DPP9: variants seen among roughly 807,000 people sequenced by gnomAD.
The protein encoded by DPP9 is dipeptidyl peptidase IV-related protein-2.
In DPP9, 50 loss-of-function variants were observed where a neutral mutation model predicts 110.7. The observed-to-expected ratio is 0.45, with a 90% confidence interval of 0.36 to 0.57. DPP9 has a LOEUF of 0.57. Ranked by LOEUF, DPP9 falls within the 20% of genes least tolerant of loss-of-function variation. The probability of loss-of-function intolerance (pLI) is 0.00; values close to 1 mark genes in which losing one functional copy is unlikely to be tolerated. For missense variants in DPP9, 1,022 were observed against 1,217.9 expected, an observed-to-expected ratio of 0.84 and a Z score of 2.39; for synonymous variants, 561 against 514.4, an observed-to-expected ratio of 1.09 and a Z score of -1.23.
rs369918302 is a variant in DPP9 at position 4,688,835 on chromosome 19, C to T, written c.1807G>A (p.Val603Ile). Residue 603 changes from valine to isoleucine, a missense_variant, in exon 16 of 22, where the codon GTC (valine) becomes ATC (isoleucine). This residue lies in a region of DPP9 where 810 missense variants were observed against 920.6 expected (regional missense o/e 0.88). Coordinates refer to ENST00000262960, the MANE Select transcript of DPP9 (RefSeq NM_139159.5). ...TCGTCGGGGCCGCTCAGCTTGTAGA[C>T]GTGCACGCAGGGCGGCGTGCTCACG... The part of the protein sequence containing the change: ...SSVSTPPCVH[V>I]YKLSGPDDDP... 19 of 1,509,912 alleles carry T rather than the reference C, an allele frequency of 1.3e-5. No individual in the cohort carries two copies. In the Middle Eastern group the frequency reaches 1.9e-3, roughly 151 times the overall value. The allele number at this position is 1,509,912 out of a possible 1,614,324, so 93.5% of individuals were successfully genotyped here.
At position 4,688,760 on chromosome 19, in the gene DPP9, C is replaced by T. The variant is rs2091034221; in HGVS notation, c.1882G>A (p.Ala628Thr). ...GGGCGGGGCAGGGGCTACTCACTGG[C>T]TGCCTCCATCATGCTAGCCCAGAAG... ...PRFWASMMEA[A>T]SCPPDYVPPE... The change falls in exon 16 of 22, where the codon GCC (alanine) becomes ACC (threonine). Residue 628 changes from alanine (A) to threonine (T), a missense_variant. By Grantham distance (58) the Ala-to-Thr change is moderately conservative. Coordinates refer to ENST00000262960, the MANE Select transcript of DPP9 (RefSeq NM_139159.5). 6.9e-7 allele frequency: 1 copy of T among 1,443,404 alleles called. No homozygotes were observed. Among genetic ancestry groups the T allele is most frequent in the Admixed American group, 3.1e-5 (1 of 32,738 alleles). The allele number at this position is 1,443,404 out of a possible 1,614,324, so 89.4% of individuals were successfully genotyped here.
Position 4,676,774 on chromosome 19 carries a change from G to T in DPP9, c.2587-118C>A. 2.5e-6 allele frequency: 2 copies of T among 801,274 alleles called. No individual in the cohort carries two copies. Among genetic ancestry groups the T allele is most frequent in the African/African-American group, 1.7e-5 (1 of 58,860 alleles). The allele number at this position is 801,274 out of a possible 1,614,324, so 49.6% of individuals were successfully genotyped here. On this transcript the variant is annotated intron_variant, in intron 21 of 21. Coordinates refer to ENST00000262960, the MANE Select transcript of DPP9 (RefSeq NM_139159.5). This position sits in a 1 kb window ranked among gnomAD's most constrained non-coding sequence, Gnocchi z 4.0. Reference sequence around the variant, plus strand: ...AGGCGCAGGTGCTCTGAGGCCCAGTGATCTGGGTTTGAATCCCACCTCGGC... The same window carrying T: ...AGGCGCAGGTGCTCTGAGGCCCAGTTATCTGGGTTTGAATCCCACCTCGGC...
At chr19:4,686,013 A>T in intron 16 of DPP9, 1 of 451,978 alleles carries the variant, frequency 2.2e-6, no homozygotes, top group Non-Finnish European at 4.0e-6. Context: ...CCTGGCCTCA[A>T]GCGATCCTCC....
At chr19:4,722,739 CG>C (rs2093376418) in intron 1 of DPP9, 188 bp from the exon 2 acceptor site, 3 of 579,896 alleles carry the variant, frequency 5.2e-6, no homozygotes, top group Non-Finnish European at 9.2e-6. Context: ...AGCCATCCCA[CG>C]GGCCCCGATT....
rs1452468324 is a variant in DPP9, at chr19:4,698,232, C to T, written c.1075-581G>A. On this transcript the variant is annotated intron_variant, in intron 10 of 21. Coordinates refer to ENST00000262960, the MANE Select transcript of DPP9 (RefSeq NM_139159.5). This position sits in a 1 kb window ranked among gnomAD's most constrained non-coding sequence, Gnocchi z 4.2. ...TCCCCATGCTTAAACAGGGCTGGCA[C>T]GGCGTTTCCAGGGTATTGAGAGATA... 2.0e-5 allele frequency among the ~76,000 whole-genome samples: 3 copies of T among 152,190 alleles called. No individual in the cohort carries two copies. The highest frequency in any genetic ancestry group is 1.9e-4 in the East Asian group (1 of 5,186).
At chr19:4,713,078 G>A (rs1568331073) in intron 4 of DPP9, among the ~76,000 whole-genome samples, 1 of 152,224 alleles carries the variant, frequency 6.6e-6, no homozygotes. Flanking sequence ...GTCACCACTG[G>A]GATGTGGCTG....
Position 4,698,138 on chromosome 19 carries a change from AG to A in DPP9, c.1075-488del, listed in dbSNP as rs1427970537. Among the ~76,000 whole-genome samples the A allele has an allele frequency of 1.3e-5, 2 of 152,234 alleles. No individual in the cohort carries two copies. The highest frequency in any genetic ancestry group is 2.9e-5 in the Non-Finnish European group (2 of 68,034). ...CACCCCAGCAGGTGCCTGGACCCAAAGGCTCTGGTCTGGGCTGTCCCTTAGA... is the reference window on the plus strand; with the variant it reads ...CACCCCAGCAGGTGCCTGGACCCAAAGCTCTGGTCTGGGCTGTCCCTTAGA... On this transcript the variant is annotated intron_variant, in intron 10 of 21. Coordinates refer to ENST00000262960, the MANE Select transcript of DPP9 (RefSeq NM_139159.5). This position sits in a 1 kb window ranked among gnomAD's most constrained non-coding sequence, Gnocchi z 4.2.
Position 4,714,295 on chromosome 19 carries a change from G to A in DPP9, c.99C>T (p.Thr33=), listed in dbSNP as rs372324420. The change falls in exon 4 of 22, where the codon ACC becomes ACT. Residue 33 remains threonine (T), a synonymous_variant. Transcript: ENST00000262960. ...NSEGAERMAT[T]GTPTADRGDA... is the part of the protein sequence containing the mutation. ...CGCCTCGGTCGGCCGTTGGGGTCCC[G>A]GTGGTGGCCATCCTCTCAGCCCCCT... 5.7e-5 allele frequency: 88 copies of A among 1,541,146 alleles called. 1 individual carries two copies. The highest frequency in any genetic ancestry group is 1.8e-4 in the South Asian group (15 of 84,934).
At position 4,694,631 on chromosome 19, in the gene DPP9, A is replaced by G; in HGVS notation, c.1516+30T>C. 1 of 1,600,480 alleles carries G rather than the reference A, an allele frequency of 6.2e-7. No individual in the cohort carries two copies. The highest frequency in any genetic ancestry group is 8.5e-7 in the Non-Finnish European group (1 of 1,172,902). ...TGAACCACACGTGACTAACGCGATGAGTCGACAGCATTCGTCAGGCTCTGC... is the reference window on the plus strand; with the variant it reads ...TGAACCACACGTGACTAACGCGATGGGTCGACAGCATTCGTCAGGCTCTGC... On this transcript the variant is annotated intron_variant, in intron 13 of 21. Coordinates refer to ENST00000262960, the MANE Select transcript of DPP9 (RefSeq NM_139159.5). This position sits in a 1 kb window ranked among gnomAD's most constrained non-coding sequence, Gnocchi z 4.0.
rs895083876 is a variant in DPP9 at position 4,684,116 on chromosome 19, A to G, written c.2179-487T>C. ...ACTGCGGCCTTCAAGCGACTGATCCATGGGGCCCACTCATGTGAATGGGAT... is the reference window on the plus strand; with the variant it reads ...ACTGCGGCCTTCAAGCGACTGATCCGTGGGGCCCACTCATGTGAATGGGAT... On this transcript the variant is annotated intron_variant, in intron 18 of 21. Coordinates refer to ENST00000262960, the MANE Select transcript of DPP9 (RefSeq NM_139159.5). The surrounding 1 kb of genome is among the most constrained non-coding windows in gnomAD (Gnocchi z 4.8). 1.6e-5 allele frequency: 5 copies of G among 310,986 alleles called. No individual in the cohort carries two copies. The highest frequency in any genetic ancestry group is 6.5e-5 in the African/African-American group (3 of 46,384). The allele number at this position is 310,986 out of a possible 1,614,324, so 19.3% of individuals were successfully genotyped here.
chr19:4,683,270 TC>T, intron 19 of DPP9: 1 of 1,435,960 alleles, frequency 7.0e-7, no homozygotes, highest in Non-Finnish European at 9.1e-7. Context: ...CCGGATGCCA[TC>T]CTGCGGTCGG....
Position 4,684,734 on chromosome 19 carries a change from C to T in DPP9, c.2107G>A (p.Val703Met), listed in dbSNP as rs1454388053. Residue 703 changes from valine (V) to methionine (M), a missense_variant, in exon 18 of 22, where the codon GTG (valine) becomes ATG (methionine). Val to Met is a conservative substitution (Grantham distance 21, BLOSUM62 1). Around this residue, in one of 3 missense-constraint regions of DPP9, gnomAD observed 209 missense variants for 280.4 expected, o/e 0.75. Coordinates refer to ENST00000262960, the MANE Select transcript of DPP9 (RefSeq NM_139159.5). The surrounding 1 kb of genome is among the most constrained non-coding windows in gnomAD (Gnocchi z 4.8). ...LNTLASLGYAVVVIDGRGSCQ... is the reference protein window; with the variant it reads ...LNTLASLGYAMVVIDGRGSCQ... Reference sequence around the variant, plus strand: ...GAGCCCCTGCCGTCAATCACAACCACGGCGTAGCCCAGGGAGGCCAGTGTG... The same window carrying T: ...GAGCCCCTGCCGTCAATCACAACCATGGCGTAGCCCAGGGAGGCCAGTGTG... 8 of 1,610,638 alleles carry T rather than the reference C, an allele frequency of 5.0e-6. No individual in the cohort carries two copies. Among genetic ancestry groups the T allele is most frequent in the South Asian group, 1.1e-5 (1 of 90,388 alleles).
intron 2 of DPP9, among the ~76,000 whole-genome samples, chr19:4,720,858 G>C (rs746395278): frequency 6.6e-6 from 1 of 152,180 alleles, no homozygotes; most frequent in Non-Finnish European, 1.5e-5. Flanking sequence ...TATTAATACT[G>C]GAATAAACTT....
At position 4,710,961 on chromosome 19, in the gene DPP9, G is replaced by A. The variant is rs1486279199; in HGVS notation, c.313+3120C>T. Among the ~76,000 whole-genome samples, 6 of 152,276 alleles carry A rather than the reference G, an allele frequency of 3.9e-5. No individual in the cohort carries two copies. The highest frequency in any genetic ancestry group is 6.5e-5 in the Admixed American group (1 of 15,304). Reference sequence around the variant, plus strand: ...CTGTCCCAGCCCCAGACACACACACGAGCCACAGGCGACCCGACGATCTCA... The same window carrying A: ...CTGTCCCAGCCCCAGACACACACACAAGCCACAGGCGACCCGACGATCTCA... On this transcript the variant is annotated intron_variant, in intron 4 of 21. Coordinates refer to ENST00000262960, the MANE Select transcript of DPP9 (RefSeq NM_139159.5). This position sits in a 1 kb window ranked among gnomAD's most constrained non-coding sequence, Gnocchi z 5.6.
In DPP9 at chr19:4,695,487, A is replaced by T; in HGVS notation, c.1244T>A (p.Phe415Tyr). 1 of 1,571,238 alleles carries T rather than the reference A, an allele frequency of 6.4e-7. No homozygotes were observed. Among genetic ancestry groups the T allele is most frequent in the Middle Eastern group, 1.7e-4 (1 of 5,946 alleles). The change falls in exon 12 of 22, where the codon TTC (phenylalanine) becomes TAC (tyrosine). Residue 415 changes from phenylalanine (F) to tyrosine (Y), a missense_variant. Phe to Tyr is a conservative substitution (Grantham distance 22, BLOSUM62 3). Coordinates refer to ENST00000262960, the MANE Select transcript of DPP9 (RefSeq NM_139159.5). The surrounding 1 kb of genome is among the most constrained non-coding windows in gnomAD (Gnocchi z 4.7). ...LQLVLLPPALFIPSTENEEQR... is the reference protein window; with the variant it reads ...LQLVLLPPALYIPSTENEEQR... ...CTCCTCATTCTCTGTGCTCGGGATG[A>T]ACAGGGCCGGGGGGAGGAGGACGAG...
chr19:4,689,712 T>C lies in DPP9; in HGVS notation c.1607A>G (p.Asn536Ser). The change falls in exon 15 of 22, where the codon AAT (asparagine) becomes AGT (serine). Residue 536 changes from asparagine (N) to serine (S), a missense_variant. Physicochemically the swap from Asn to Ser is conservative, Grantham distance 46 (BLOSUM62 1). Transcript: ENST00000262960. The surrounding 1 kb of genome is among the most constrained non-coding windows in gnomAD (Gnocchi z 7.0). ...GAAGTACACCAGCTTGGTCTCCTCA[T>C]TGACCCAGATCTGCAGGGGGACAGG... Reference protein sequence around the residue: ...LARHGSKIWVNEETKLVYFQG... With the variant: ...LARHGSKIWVSEETKLVYFQG... 1 of 1,549,910 alleles carries C rather than the reference T, an allele frequency of 6.5e-7. No individual in the cohort carries two copies. The highest frequency in any genetic ancestry group is 8.7e-7 in the Non-Finnish European group (1 of 1,145,860).
rs1480440819 is a variant in DPP9 at position 4,718,445 on chromosome 19, G to T, written c.56+1406C>A. Among the ~76,000 whole-genome samples the T allele has an allele frequency of 1.3e-5, 2 of 152,204 alleles. No homozygotes were observed. Among genetic ancestry groups the T allele is most frequent in the African/African-American group, 4.8e-5 (2 of 41,452 alleles). On this transcript the variant is annotated intron_variant, in intron 3 of 21. Transcript: ENST00000262960. This position sits in a 1 kb window ranked among gnomAD's most constrained non-coding sequence, Gnocchi z 4.3. ...GGGCGTATGGGGGTGGTGAGGACAG[G>T]GTCCTACCCATGCGCTGGATGGGGA...
In DPP9 at chr19:4,700,799, T is replaced by C. The variant is rs991369368; in HGVS notation, c.1013-522A>G. ...GAGGCTTCTGAAGAGTGGGACTTAG[T>C]TCAGGCTCCGAAAGAGGGCGCGGGC... On this transcript the variant is annotated intron_variant, in intron 9 of 21. Transcript: ENST00000262960. This position sits in a 1 kb window ranked among gnomAD's most constrained non-coding sequence, Gnocchi z 4.3. 7.2e-5 allele frequency among the ~76,000 whole-genome samples: 11 copies of C among 152,292 alleles called. No individual in the cohort carries two copies. The East Asian group carries it at 2.1e-3, about 29-fold the overall frequency.
At position 4,695,372 on chromosome 19, in the gene DPP9, G is replaced by A. The variant is rs57034092; in HGVS notation, c.1353+6C>T. 41 of 1,560,782 alleles carry A rather than the reference G, an allele frequency of 2.6e-5. No homozygotes were observed. Among genetic ancestry groups the A allele is most frequent in the South Asian group, 4.7e-5 (4 of 84,514 alleles). ...CGGGCATACAGCCAGCGCTTGCCCC[G>A]CTTACATTGATCCAGACGTTGGTGA... is the stretch of plus-strand genomic sequence containing the variant. On this transcript the variant is annotated splice_donor_region_variant and intron_variant, in intron 12 of 21. Transcript: ENST00000262960. This position sits in a 1 kb window ranked among gnomAD's most constrained non-coding sequence, Gnocchi z 4.7.
Sources: allele counts gnomAD v4.1 joint callset (sites outside exome capture counted in the v4.1 genomes callset), GRCh38; gene constraint gnomAD v4.1.1; regional missense constraint gnomAD v4.1.1; non-coding constraint Gnocchi (gnomAD v3.1); transcripts MANE v1.5; gene names NCBI Gene and HGNC (gene_info 2026-07-23, HGNC 2026-07-21).